The following RABGAP1L variants were observed in gnomAD, a reference collection of about 807,000 sequenced individuals.
The protein encoded by RABGAP1L is RAB GTPase activating protein 1 like.
A neutral mutation model predicts 137.7 loss-of-function variants in RABGAP1L; 63 were observed. The ratio of observed to expected loss-of-function variants is 0.46; its 90% CI spans 0.37 to 0.56. RABGAP1L has a LOEUF of 0.56. RABGAP1L is among the 20% of genes least tolerant of loss of function. The probability of loss-of-function intolerance (pLI) is 0.00; values close to 1 mark genes in which losing one functional copy is unlikely to be tolerated. For missense variants in RABGAP1L, 1,095 were observed against 1,244.0 expected (o/e 0.88, Z 1.80); for synonymous variants, 431 against 433.7 (o/e 0.99, Z 0.08).
intron 23 of RABGAP1L, among the ~76,000 whole-genome samples, chr1:174,979,631 A>G (rs1670928027): frequency 1.3e-5 from 2 of 152,238 alleles, no homozygotes; most frequent in African/African-American, 4.8e-5. Context: ...TCTTTTTCCT[A>G]CATGGCTATG....
intron 19 of RABGAP1L, among the ~76,000 whole-genome samples, chr1:174,822,153 C>T (rs894628423): frequency 1.3e-5 from 2 of 152,206 alleles, no homozygotes; most frequent in East Asian, 1.9e-4. Flanking sequence ...CCCAGCTACT[C>T]GAGAGGCTGA....
chr1:174,969,476 T>A, intron 21 of RABGAP1L, 89 bp downstream of exon 21: 1 of 990,000 alleles, frequency 1.0e-6, no homozygotes, highest in South Asian at 1.4e-5. Flanking sequence ...GCTTTGTTCT[T>A]GACTTTGTTC....
rs568360092 is a variant in RABGAP1L at position 174,596,175 on chromosome 1, C to T, written c.1711-41200C>T. ...GGAAAGGGAACTCCCTGACCCCTTG[C>T]GCTTCCCAGGTGAGGCAATGCCTCG... On this transcript the variant is annotated intron_variant, in intron 13 of 25. Coordinates refer to ENST00000681986, the MANE Select transcript of RABGAP1L (RefSeq NM_001366446.1). Among the ~76,000 whole-genome samples the T allele has an allele frequency of 2.4e-3, 335 of 141,220 alleles. 2 individuals are homozygous for T. Among genetic ancestry groups the T allele is most frequent in the East Asian group, 2.1e-3 (10 of 4,860 alleles). 92.6% of individuals were successfully genotyped at this position (141,220 alleles called of 152,430 possible). A position where few individuals can be genotyped will look rare whatever the true frequency, so the allele number is the denominator to read the frequency against.
intron 13 of RABGAP1L, among the ~76,000 whole-genome samples, chr1:174,414,998 A>T (rs1180083660): frequency 6.6e-6 from 1 of 152,058 alleles, no homozygotes; most frequent in Non-Finnish European, 1.5e-5. Flanking sequence ...TTCCTCTGTG[A>T]AATTTCTTGA....
intron 11 of RABGAP1L, among the ~76,000 whole-genome samples, chr1:174,311,150 G>T (rs188137985): frequency 3.7e-4 from 57 of 152,206 alleles, no homozygotes; most frequent in African/African-American, 1.1e-3. Context: ...AAACAAAGGA[G>T]GTTTAATTGA....
chr1:174,482,028 T>A (rs1659150074), intron 13 of RABGAP1L, among the ~76,000 whole-genome samples: 1 of 152,178 alleles, frequency 6.6e-6, no homozygotes, highest in South Asian at 2.1e-4. Context: ...AGTGGGCCTA[T>A]TGTAATCACA....
intron 19 of RABGAP1L, among the ~76,000 whole-genome samples, chr1:174,895,506 A>G (rs767803198): frequency 1.0e-4 from 15 of 150,618 alleles, no homozygotes; most frequent in South Asian, 6.3e-4. Context: ...GGTTTGTTAC[A>G]TATGTATACA....
At chr1:174,651,964 T>C (rs565385035) in intron 14 of RABGAP1L, among the ~76,000 whole-genome samples, 9 of 152,312 alleles carry the variant, frequency 5.9e-5, no homozygotes, top group South Asian at 4.1e-4. Context: ...GGTTTTGCAG[T>C]GGCTGGTACC....
chr1:174,391,797 A>G (rs1687227936), intron 12 of RABGAP1L, among the ~76,000 whole-genome samples: 1 of 152,334 alleles, frequency 6.6e-6, no homozygotes, highest in East Asian at 1.9e-4. Flanking sequence ...ATTATAAATT[A>G]TTGGACTCAT....
At chr1:174,455,669 C>T (rs1307849569) in intron 13 of RABGAP1L, among the ~76,000 whole-genome samples, 1 of 152,032 alleles carries the variant, frequency 6.6e-6, no homozygotes, top group Non-Finnish European at 1.5e-5. Flanking sequence ...ATAGAAATAA[C>T]ATCTTCACAA....
At position 174,883,703 on chromosome 1, in the gene RABGAP1L, G is replaced by A. The variant is rs531900046; in HGVS notation, c.2340+71743G>A. 9.9e-5 allele frequency among the ~76,000 whole-genome samples: 15 copies of A among 152,190 alleles called. No homozygotes were observed. In the East Asian group the frequency reaches 2.7e-3, roughly 27 times the overall value. ...GTAATGAACTGGCAGGGCCCACATT[G>A]ACCAAGGAAAAAAATTGTAAAGGAC... On this transcript the variant is annotated intron_variant, in intron 19 of 25. Coordinates refer to ENST00000681986, the MANE Select transcript of RABGAP1L (RefSeq NM_001366446.1).
chr1:174,743,529 A>G (rs1683620714), intron 17 of RABGAP1L, among the ~76,000 whole-genome samples: 1 of 152,160 alleles, frequency 6.6e-6, no homozygotes, highest in African/African-American at 2.4e-5. Context: ...GTTTTATCTA[A>G]TTCAGATGTC....
chr1:174,486,223 C>CTTTTTTTTT (rs201692363), intron 13 of RABGAP1L, among the ~76,000 whole-genome samples: 2 of 119,878 alleles, frequency 1.7e-5, no homozygotes, highest in Non-Finnish European at 3.5e-5. Flanking sequence ...GTTCTTTTTT[C>CTTTTTTTTT]TTTTTTTTTT....
chr1:174,547,788 T>A lies in RABGAP1L; in HGVS notation c.1711-89587T>A, dbSNP rs1292501663. Reference sequence around the variant, plus strand: ...ATTGACGTTAGATGCATCAGTTTATTACCTATTACATAGTATTTGAAAATA... The same window carrying A: ...ATTGACGTTAGATGCATCAGTTTATAACCTATTACATAGTATTTGAAAATA... On this transcript the variant is annotated intron_variant, in intron 13 of 25. Transcript: ENST00000681986. The A allele has an allele frequency of 7.7e-6, 11 of 1,428,118 alleles. No individual in the cohort carries two copies. In the African/African-American group the frequency reaches 1.6e-4, roughly 20 times the overall value. The allele number at this position is 1,428,118 out of a possible 1,614,324, so 88.5% of individuals were successfully genotyped here.
intron 13 of RABGAP1L, among the ~76,000 whole-genome samples, chr1:174,576,015 A>G (rs1412593821): frequency 6.6e-6 from 1 of 152,246 alleles, no homozygotes; most frequent in African/African-American, 2.4e-5. Context: ...TACAGTATAC[A>G]GAGAAAAGAA....
chr1:174,240,402 A>G (rs1385019334), intron 4 of RABGAP1L, among the ~76,000 whole-genome samples: 1 of 152,168 alleles, frequency 6.6e-6, no homozygotes, highest in Admixed American at 6.5e-5. Flanking sequence ...TCCCACCGCC[A>G]TGCCTGGCTG....
chr1:174,946,145 T>G (rs1182877157), intron 19 of RABGAP1L, among the ~76,000 whole-genome samples: 1 of 152,176 alleles, frequency 6.6e-6, no homozygotes, highest in Non-Finnish European at 1.5e-5. Flanking sequence ...GCAGATATCT[T>G]AGGTTCATTA....
At chr1:174,234,110 ATTG>A (rs1670934255) in intron 4 of RABGAP1L, among the ~76,000 whole-genome samples, 1 of 121,164 alleles carries the variant, frequency 8.3e-6, no homozygotes, top group Admixed American at 8.2e-5. Context: ...TTTTGATGGG[ATTG>A]TTTGTTTTTT....
chr1:174,560,685 A>G (rs1358880149), intron 13 of RABGAP1L, among the ~76,000 whole-genome samples: 3 of 152,174 alleles, frequency 2.0e-5, no homozygotes, highest in African/African-American at 7.2e-5. Flanking sequence ...ATAGTACCCA[A>G]TAAGTAGTTT....
Sources: gnomAD v4.1 joint callset for allele counts (sites outside exome capture counted in the v4.1 genomes callset) on GRCh38, gnomAD v4.1.1 for gene constraint, MANE v1.5 for transcripts, NCBI Gene and HGNC (gene_info 2026-07-23, HGNC 2026-07-21) for gene names.